HACD2: variants seen among roughly 807,000 people sequenced by gnomAD.
The protein encoded by HACD2 is 3-hydroxyacyl-CoA dehydratase 2.
In HACD2, 15 loss-of-function variants were observed where a neutral mutation model predicts 31.0. That is an observed-to-expected ratio of 0.48 (90% confidence interval 0.32 to 0.75). The LOEUF (loss-of-function observed/expected upper bound fraction) is 0.75. HACD2 is among the 30% of genes least tolerant of loss of function. The probability of loss-of-function intolerance (pLI) is 0.03; values close to 1 mark genes in which losing one functional copy is unlikely to be tolerated. For missense variants in HACD2, 283 were observed against 313.0 expected (o/e 0.90, Z 0.72); for synonymous variants, 115 against 122.2 (o/e 0.94, Z 0.39).
At position 123,494,125 on chromosome 3, in the gene HACD2, GCT is replaced by G. The variant is rs1280285182; in HGVS notation, c.*761_*762del. ...GGACTTGTCACTTTTGAGCTATTGA[GCT>G]CCCCCTTTCTGAGACCTGTCATTTT... is the stretch of plus-strand genomic sequence containing the variant. On this transcript the variant is annotated 3_prime_UTR_variant, in exon 7 of 7. Coordinates refer to ENST00000383657, the MANE Select transcript of HACD2 (RefSeq NM_198402.5). 6.6e-6 allele frequency: 1 copy of G among 152,204 alleles called. No homozygotes were observed. Among genetic ancestry groups the G allele is most frequent in the Non-Finnish European group, 1.5e-5 (1 of 68,098 alleles). 9.4% of individuals were successfully genotyped at this position (152,204 alleles called of 1,614,324 possible).
At chr3:123,531,940 T>C (rs933363440) in intron 3 of HACD2, among the ~76,000 whole-genome samples, 4 of 152,140 alleles carry the variant, frequency 2.6e-5, no homozygotes, top group Non-Finnish European at 5.9e-5. Context: ...TTAGACCTTT[T>C]TTTAAAAAAA....
intron 3 of HACD2, among the ~76,000 whole-genome samples, chr3:123,544,011 A>G (rs911325048): frequency 2.0e-5 from 3 of 152,186 alleles, no homozygotes; most frequent in African/African-American, 7.2e-5. Context: ...TGCAGGCAAA[A>G]GATCCAAGAA....
At chr3:123,549,909 G>C (rs915955627) in intron 3 of HACD2, among the ~76,000 whole-genome samples, 3 of 152,106 alleles carry the variant, frequency 2.0e-5, no homozygotes, top group Admixed American at 6.5e-5. Context: ...AGTCTTCAAG[G>C]CACCCCAGAG....
chr3:123,519,496 G>A (rs1197455020), intron 4 of HACD2, among the ~76,000 whole-genome samples: 1 of 152,194 alleles, frequency 6.6e-6, no homozygotes, highest in African/African-American at 2.4e-5. Flanking sequence ...ATATTTCACA[G>A]GAGTGATGGG....
At chr3:123,524,484 C>T (rs2056254217) in intron 4 of HACD2, among the ~76,000 whole-genome samples, 1 of 152,098 alleles carries the variant, frequency 6.6e-6, no homozygotes, top group South Asian at 2.1e-4. Flanking sequence ...CTAGGGCCCA[C>T]AATTGATGTG....
intron 3 of HACD2, among the ~76,000 whole-genome samples, chr3:123,546,600 A>G (rs2056562649): frequency 6.6e-6 from 1 of 152,170 alleles, no homozygotes; most frequent in Admixed American, 6.5e-5. Flanking sequence ...AAGTACAAAG[A>G]CAGAAGTCTC....
At chr3:123,531,778 CTTCTT>C (rs745914610) in intron 3 of HACD2, among the ~76,000 whole-genome samples, 26 of 152,134 alleles carry the variant, frequency 1.7e-4, no homozygotes, top group Non-Finnish European at 3.1e-4. Flanking sequence ...TTTTCCTTCT[CTTCTT>C]CAAAAGATTT....
intron 4 of HACD2, among the ~76,000 whole-genome samples, chr3:123,506,512 C>T (rs1382082392): frequency 6.6e-6 from 1 of 152,166 alleles, no homozygotes; most frequent in Non-Finnish European, 1.5e-5. Flanking sequence ...TTCAACCTCC[C>T]AGGACAGCCT....
intron 6 of HACD2, among the ~76,000 whole-genome samples, chr3:123,498,375 C>A (rs2055860591): frequency 6.6e-6 from 1 of 152,206 alleles, no homozygotes; most frequent in Non-Finnish European, 1.5e-5. Flanking sequence ...AGAAAGCAGA[C>A]TTCTGTTGGG....
intron 3 of HACD2, among the ~76,000 whole-genome samples, chr3:123,537,263 A>T (rs1439319627): frequency 6.6e-6 from 1 of 152,352 alleles, no homozygotes; most frequent in Admixed American, 6.5e-5. Context: ...TAGAATTTTC[A>T]TAACTTTTTT....
At chr3:123,529,280 T>C (rs764968294) in intron 3 of HACD2, among the ~76,000 whole-genome samples, 14 of 152,144 alleles carry the variant, frequency 9.2e-5, no homozygotes, top group Non-Finnish European at 1.9e-4. Flanking sequence ...TTTTGTACTT[T>C]TGGTAGAGAT....
intron 3 of HACD2, among the ~76,000 whole-genome samples, chr3:123,534,265 T>C (rs368104275): frequency 1.3e-5 from 2 of 152,266 alleles, no homozygotes. Flanking sequence ...AGTACAGTCA[T>C]GCACCACACA....
At chr3:123,560,402 A>T (rs1299920588) in intron 3 of HACD2, among the ~76,000 whole-genome samples, 1 of 152,168 alleles carries the variant, frequency 6.6e-6, no homozygotes, top group Non-Finnish European at 1.5e-5. Flanking sequence ...AAGGAGGGGA[A>T]GGTTGGATTT....
Position 123,509,499 on chromosome 3 carries a change from C to CTTTTTT in HACD2, c.382-6819_382-6818insAAAAAA, listed in dbSNP as rs775984895. On this transcript the variant is annotated intron_variant, in intron 4 of 6. Transcript: ENST00000383657. ...CCCTCCAACCTTCCCCTTCCTGTGA[C>CTTTTTT]TTCTTTTTTTTTTTTTTGAGATGGA... Among the ~76,000 whole-genome samples the CTTTTTT allele has an allele frequency of 6.1e-5, 2 of 32,822 alleles. 1 individual carries two copies. Among genetic ancestry groups the CTTTTTT allele is most frequent in the Non-Finnish European group, 1.9e-4 (2 of 10,546 alleles). The allele number at this position is 32,822 out of a possible 152,430, so 21.5% of individuals were successfully genotyped here.
intron 3 of HACD2, among the ~76,000 whole-genome samples, chr3:123,546,098 T>C (rs1459708720): frequency 6.6e-6 from 1 of 152,180 alleles, no homozygotes; most frequent in Non-Finnish European, 1.5e-5. Context: ...AGGACTTTAA[T>C]GGGAGGAAAA....
intron 3 of HACD2, among the ~76,000 whole-genome samples, chr3:123,540,999 G>A (rs546286141): frequency 7.9e-5 from 12 of 152,226 alleles, no homozygotes; most frequent in Admixed American, 3.3e-4. Flanking sequence ...AGCCGGGCAC[G>A]ATGGCTCATG....
At chr3:123,539,890 A>G (rs1276811953) in intron 3 of HACD2, among the ~76,000 whole-genome samples, 1 of 126,470 alleles carries the variant, frequency 7.9e-6, no homozygotes, top group Non-Finnish European at 1.6e-5. Context: ...CCTGGGAAAC[A>G]TGGCAAGGCC....
chr3:123,563,795 A>G (rs1023197913), intron 3 of HACD2, among the ~76,000 whole-genome samples: 4 of 152,220 alleles, frequency 2.6e-5, no homozygotes, highest in African/African-American at 4.8e-5. Context: ...CAAAGACAGG[A>G]AACCTTCTAA....
chr3:123,577,620 CA>C (rs35024817), intron 2 of HACD2, among the ~76,000 whole-genome samples: 29,735 of 90,296 alleles, frequency 0.33, 3,693 homozygotes, highest in East Asian at 0.6. Flanking sequence ...GACTCTGTCT[CA>C]AAAAAAAAAA....
Sources: allele counts gnomAD v4.1 joint callset (sites outside exome capture counted in the v4.1 genomes callset), GRCh38; gene constraint gnomAD v4.1.1; transcripts MANE v1.5; gene names NCBI Gene and HGNC (gene_info 2026-07-23, HGNC 2026-07-21).